CTSD: variants seen among roughly 807,000 people sequenced by gnomAD.
CTSD encodes ceroid-lipofuscinosis, neuronal 10.
A neutral mutation model predicts 43.6 loss-of-function variants in CTSD; 28 were observed. The ratio of observed to expected loss-of-function variants is 0.64; its 90% CI spans 0.48 to 0.88. The LOEUF (loss-of-function observed/expected upper bound fraction) is 0.88, where lower values mean the gene tolerates loss of function less well. Ranked by LOEUF, CTSD falls within the 40% of genes least tolerant of loss-of-function variation. The pLI is 0.00. For synonymous variants in CTSD, 270 were observed against 249.8 expected, an observed-to-expected ratio of 1.08 and a Z score of -0.76; for missense variants, 485 against 555.2, an observed-to-expected ratio of 0.87 and a Z score of 1.27.
chr11:1,761,894 T>TGAGG, intron 1 of CTSD: 2 of 302,356 alleles, frequency 6.6e-6, no homozygotes, highest in South Asian at 5.9e-5. Context: ...CTGCCCAAAG[T>TGAGG]GCTCTGAGGC....
chr11:1,763,289 G>A (rs1223841604), intron 1 of CTSD, among the ~76,000 whole-genome samples: 4 of 152,174 alleles, frequency 2.6e-5, no homozygotes, highest in East Asian at 1.9e-4. Context: ...GGGTCTCGAG[G>A]GGTCTCCCAG....
intron 5 of CTSD, 186 bp from the exon 6 acceptor site, chr11:1,755,214 G>C: frequency 1.4e-6 from 1 of 720,592 alleles, no homozygotes; most frequent in South Asian, 1.6e-5. Flanking sequence ...CCCGGGGTAG[G>C]GCTGCTCTGC....
In CTSD at chr11:1,761,310, T is replaced by C. The variant is rs1443551875; in HGVS notation, c.227A>G (p.Asp76Gly). Reference sequence around the variant, plus strand: ...GCAGGGCTAAGACCTCATACTCACGTCCATGTAGTTCTTGAGCACCTCGGG... The same window carrying C: ...GCAGGGCTAAGACCTCATACTCACGCCCATGTAGTTCTTGAGCACCTCGGG... ...PIPEVLKNYM[D>G]AQYYGEIGIG... The change falls in exon 2 of 9, where the codon GAC becomes GGC. Residue 76 changes from aspartate (D) to glycine (G), a missense_variant and splice_region_variant. By Grantham distance (94) the Asp-to-Gly change is moderately conservative (BLOSUM62 -1). Transcript: ENST00000236671. 1 of 1,613,690 alleles carries C rather than the reference T, an allele frequency of 6.2e-7. No homozygotes were observed.
At chr11:1,753,762 C>G in intron 8 of CTSD, 41 bp downstream of exon 8, 1 of 1,610,290 alleles carries the variant, frequency 6.2e-7, no homozygotes, top group Non-Finnish European at 8.5e-7. Context: ...CCCCTCACCG[C>G]CCGCTCACCT....
chr11:1,755,474 T>C, intron 5 of CTSD: 1 of 310,378 alleles, frequency 3.2e-6, no homozygotes, highest in South Asian at 2.8e-5. Flanking sequence ...GCCTCTGCAC[T>C]GGCTGCTCCT....
At chr11:1,754,218 T>TCC in intron 6 of CTSD, 80 bp from the exon 7 acceptor site, 1 of 1,511,986 alleles carries the variant, frequency 6.6e-7, no homozygotes, top group South Asian at 1.2e-5. Flanking sequence ...TGGGAGCCCC[T>TCC]CCCCTGGCTG....
chr11:1,754,145 G>T lies in CTSD; in HGVS notation c.828-7C>A. ...CCCGCTGGCCACCTCCACCCTGCGG[G>T]GAGTCAGGGCGTGAAGCCCCTGCCG... On this transcript the variant is annotated splice_polypyrimidine_tract_variant and splice_region_variant and intron_variant, in intron 6 of 8. Transcript: ENST00000236671. The T allele has an allele frequency of 6.2e-7, 1 of 1,607,434 alleles. No individual in the cohort carries two copies. Among genetic ancestry groups the T allele is most frequent in the Non-Finnish European group, 8.5e-7 (1 of 1,179,392 alleles).
At chr11:1,754,531 G>A (rs1845779887) in intron 6 of CTSD, among the ~76,000 whole-genome samples, 1 of 43,250 alleles carries the variant, frequency 2.3e-5, no homozygotes, top group Non-Finnish European at 5.1e-5. Context: ...TGGAGGGGAT[G>A]GAGGGATGGA....
chr11:1,756,990 G>A (rs1290843160), intron 5 of CTSD, among the ~76,000 whole-genome samples: 6 of 152,206 alleles, frequency 3.9e-5, no homozygotes. Context: ...GGGGACCGAC[G>A]GGCCGACTGA....
At chr11:1,761,752 CT>C in intron 1 of CTSD, 1 of 517,354 alleles carries the variant, frequency 1.9e-6, no homozygotes, top group Non-Finnish European at 3.5e-6. Flanking sequence ...GTGCCCAACC[CT>C]CCTCTCCTCA....
intron 2 of CTSD, 22 bp from the exon 3 acceptor site, chr11:1,759,661 C>G: frequency 6.2e-7 from 1 of 1,605,734 alleles, no homozygotes; most frequent in Non-Finnish European, 8.5e-7. Context: ...CAGGGTCCGT[C>G]AGGGATGGGA....
chr11:1,759,966 A>G (rs1361838323), intron 2 of CTSD, among the ~76,000 whole-genome samples: 2 of 152,172 alleles, frequency 1.3e-5, no homozygotes, highest in Admixed American at 6.5e-5. Context: ...GTGGGGACAG[A>G]CGTGGCCCTC....
Position 1,753,602 on chromosome 11 carries a change from C to T in CTSD, c.1140G>A (p.Gly380=), listed in dbSNP as rs573523415. 2 of 1,613,050 alleles carry T rather than the reference C, an allele frequency of 1.2e-6. No homozygotes were observed. Among genetic ancestry groups the T allele is most frequent in the African/African-American group, 2.7e-5 (2 of 75,024 alleles). Residue 380 remains glycine, a synonymous_variant, in exon 9 of 9, where the codon GGG becomes GGA. Transcript: ENST00000236671. ...AGACGTCGCCCAGGATCCAGAGTGG[C>T]CCGCTGGGTGGCGGGATGTCCATGC... ...FMGMDIPPPS[G]PLWILGDVFI... is the part of the protein sequence containing the mutation.
At chr11:1,763,334 T>G (rs1172960088) in intron 1 of CTSD, among the ~76,000 whole-genome samples, 1 of 152,172 alleles carries the variant, frequency 6.6e-6, no homozygotes, top group Non-Finnish European at 1.5e-5. Flanking sequence ...TGGAGCAAAC[T>G]TTTAAAGCCC....
intron 1 of CTSD, 63 bp from the exon 2 acceptor site, chr11:1,761,531 T>TGCCAAC (rs1845877801): frequency 1.3e-6 from 2 of 1,573,918 alleles, no homozygotes; most frequent in Admixed American, 1.7e-5. Context: ...ACGCTGCCAA[T>TGCCAAC]GCTGCACATC....
chr11:1,762,493 C>A (rs1845892735), intron 1 of CTSD: 1 of 152,260 alleles, frequency 6.6e-6, no homozygotes, highest in African/African-American at 2.4e-5. Context: ...AGTACAAGGT[C>A]ATAGCTGGCT....
intron 3 of CTSD, among the ~76,000 whole-genome samples, 169 bp downstream of exon 3, chr11:1,759,347 C>A (rs1590907424): frequency 6.6e-6 from 1 of 152,240 alleles, no homozygotes. Context: ...AAGACCACAG[C>A]TGGTGGTTCA....
chr11:1,759,206 TG>T (rs1845845346), intron 3 of CTSD, 119 bp from the exon 4 acceptor site: 5 of 955,806 alleles, frequency 5.2e-6, no homozygotes, highest in Non-Finnish European at 8.5e-6. Flanking sequence ...CTCCCCAGGG[TG>T]GGATTTGGAG....
At chr11:1,753,953 C>T in intron 7 of CTSD, 41 bp downstream of exon 7, 1 of 1,610,776 alleles carries the variant, frequency 6.2e-7, no homozygotes, top group South Asian at 1.1e-5. Context: ...TTGGGGCTCC[C>T]CCTGCCAGCC....
Sources: gnomAD v4.1 joint callset for allele counts (sites outside exome capture counted in the v4.1 genomes callset) on GRCh38, gnomAD v4.1.1 for gene constraint, MANE v1.5 for transcripts, NCBI Gene and HGNC (gene_info 2026-07-23, HGNC 2026-07-21) for gene names.